UNC79: variants seen among roughly 807,000 people sequenced by gnomAD.
The protein encoded by UNC79 is unc-79 subunit of NALCN channel complex, also known as protein unc-79 homolog.
In UNC79, 37 loss-of-function variants were observed where a neutral mutation model predicts 283.1. That is an observed-to-expected ratio of 0.13 (90% CI 0.10 to 0.17). The LOEUF (loss-of-function observed/expected upper bound fraction) is 0.17. Among genes scored for constraint, UNC79 ranks in the 10% least tolerant of loss-of-function variants. The pLI, the probability that UNC79 is intolerant of heterozygous loss-of-function variation, is 1.00. For missense variants in UNC79, 2,272 were observed against 3,211.1 expected (o/e 0.71, Z 7.07); for synonymous variants, 1,107 against 1,200.2 (o/e 0.92, Z 1.61).
chr14:93,375,518 A>C (rs758036463), intron 1 of UNC79, among the ~76,000 whole-genome samples: 12 of 152,202 alleles, frequency 7.9e-5, no homozygotes, highest in Non-Finnish European at 1.5e-4. Context: ...CTGTAAAGAA[A>C]TACCTGAGAC....
chr14:93,618,274 A>G, exon 29 of UNC79: 4 of 1,614,168 alleles, frequency 2.5e-6, no homozygotes, highest in Non-Finnish European at 3.4e-6. Context: ...GCGCAGTATC[A>G]TAGCTGCAAG....
Position 93,646,715 on chromosome 14 carries a change from A to G in UNC79, c.6083+69A>G, listed in dbSNP as rs1023557804. 9 of 1,564,588 alleles carry G rather than the reference A, an allele frequency of 5.8e-6. No individual in the cohort carries two copies. In the African/African-American group the frequency reaches 1.2e-4, roughly 21 times the overall value. On this transcript the variant is annotated intron_variant, in intron 35 of 48. Coordinates refer to ENST00000555664, the Ensembl canonical transcript of UNC79. ...CTGTGCATGTTCATCCTGTTTCTAAAACACCAGTGTGGGGCTGGGTGCAGT... is the reference window on the plus strand; with the variant it reads ...CTGTGCATGTTCATCCTGTTTCTAAGACACCAGTGTGGGGCTGGGTGCAGT...
In UNC79 at chr14:93,582,604, C is replaced by T. The variant is rs189473608; in HGVS notation, c.2803+260C>T. Reference sequence around the variant, plus strand: ...ACTCATCGCCTCCCTACTTACAATGCGAGGTATTCTCTGTGGACCAAGGCT... The same window carrying T: ...ACTCATCGCCTCCCTACTTACAATGTGAGGTATTCTCTGTGGACCAAGGCT... On this transcript the variant is annotated intron_variant, in intron 20 of 48. Coordinates refer to ENST00000555664, the Ensembl canonical transcript of UNC79. Among the ~76,000 whole-genome samples the T allele has an allele frequency of 6.6e-5, 10 of 152,248 alleles. No individual in the cohort carries two copies. In the East Asian group the frequency reaches 7.7e-4, roughly 12 times the overall value.
chr14:93,363,511 C>T (rs547627319), intron 1 of UNC79, among the ~76,000 whole-genome samples: 1 of 152,192 alleles, frequency 6.6e-6, no homozygotes, highest in South Asian at 2.1e-4. Context: ...AGGTCCCAAA[C>T]ATCTTTGTTA....
chr14:93,354,087 AC>A (rs1210286381), intron 1 of UNC79, among the ~76,000 whole-genome samples: 6 of 152,202 alleles, frequency 3.9e-5, no homozygotes, highest in African/African-American at 1.2e-4. Context: ...GGGGAAAAAA[AC>A]TAAAATTTTA....
Position 93,612,779 on chromosome 14 carries a change from C to T in UNC79, c.3755-18C>T. The T allele has an allele frequency of 6.2e-7, 1 of 1,605,716 alleles. No individual in the cohort carries two copies. Among genetic ancestry groups the T allele is most frequent in the South Asian group, 1.1e-5 (1 of 90,720 alleles). The stretch of plus-strand genomic sequence containing the variant: ...TTGTGAGTGAGCCACCCACTGACAG[C>T]CTTTCTTCTACTGACAGGACAACAA... On this transcript the variant is annotated intron_variant, in intron 26 of 48. Transcript: ENST00000555664.
At position 93,370,229 on chromosome 14, in the gene UNC79, A is replaced by G. The variant is rs79779059; in HGVS notation, c.-351+36706A>G. On this transcript the variant is annotated intron_variant, in intron 1 of 49. Transcript: ENST00000256339. Reference sequence around the variant, plus strand: ...AACAGAGCAAGCATCAGAAGCAGACATGGAAGGGATGTTGCAATGATCAGA... The same window carrying G: ...AACAGAGCAAGCATCAGAAGCAGACGTGGAAGGGATGTTGCAATGATCAGA... Among the ~76,000 whole-genome samples the G allele has an allele frequency of 4.6e-5, 7 of 152,238 alleles. No individual in the cohort carries two copies. The East Asian group carries it at 1.4e-3, about 29-fold the overall frequency.
intron 1 of UNC79, among the ~76,000 whole-genome samples, chr14:93,363,547 AT>A (rs2054267566): frequency 6.6e-6 from 1 of 152,046 alleles, no homozygotes; most frequent in Non-Finnish European, 1.5e-5. Context: ...GATTTGTTTA[AT>A]CCTATCAGTG....
chr14:93,488,876 C>G (rs527840961), intron 5 of UNC79, among the ~76,000 whole-genome samples: 5 of 152,298 alleles, frequency 3.3e-5, no homozygotes, highest in South Asian at 2.1e-4. Context: ...CCCTAATGAC[C>G]TAATTACTTC....
chr14:93,582,526 G>A, intron 20 of UNC79, among the ~76,000 whole-genome samples, 182 bp downstream of exon 20: 1 of 152,140 alleles, frequency 6.6e-6, no homozygotes, highest in East Asian at 1.9e-4. Context: ...AGTTCCCATA[G>A]AACCCAGTTC....
At chr14:93,603,925 T>C (rs1050531986) in intron 26 of UNC79, among the ~76,000 whole-genome samples, 2 of 152,070 alleles carry the variant, frequency 1.3e-5, no homozygotes, top group African/African-American at 4.8e-5. Context: ...GGCTGAGAAA[T>C]TGAATTTCTG....
intron 29 of UNC79, among the ~76,000 whole-genome samples, chr14:93,619,796 C>T (rs79757843): frequency 0.016 from 2,453 of 152,190 alleles, 65 homozygotes; most frequent in African/African-American, 0.056. Flanking sequence ...GCACCTGAGC[C>T]TCATTTGTCA....
intron 1 of UNC79, among the ~76,000 whole-genome samples, chr14:93,439,374 T>C (rs1021060437): frequency 6.6e-5 from 10 of 152,122 alleles, no homozygotes; most frequent in Admixed American, 2.6e-4. Flanking sequence ...TCAATTCTTA[T>C]TTTGTTAAGT....
intron 6 of UNC79, 119 bp from the exon 7 acceptor site, chr14:93,497,038 G>A (rs955231389): frequency 3.7e-6 from 4 of 1,088,246 alleles, no homozygotes; most frequent in Non-Finnish European, 5.2e-6. Context: ...TGAGATTCCA[G>A]GGAAATTACT....
exon 37 of UNC79, chr14:93,653,995 C>T: frequency 6.2e-7 from 1 of 1,614,094 alleles, no homozygotes; most frequent in Non-Finnish European, 8.5e-7. Context: ...ATGAGCTGAG[C>T]TCCATCGCAG....
At chr14:93,666,682 T>G (rs1306340796) in intron 40 of UNC79, among the ~76,000 whole-genome samples, 4 of 152,056 alleles carry the variant, frequency 2.6e-5, no homozygotes, top group African/African-American at 9.7e-5. Flanking sequence ...TCTCTTTCAG[T>G]TATGGATAGA....
chr14:93,597,483 C>T (rs769643865), exon 24 of UNC79: 18 of 1,613,980 alleles, frequency 1.1e-5, no homozygotes, highest in African/African-American at 8.0e-5. Context: ...ATGTCAACCC[C>T]GCAGTGGCTA....
chr14:93,624,312 GA>G (rs1213009715), intron 30 of UNC79, among the ~76,000 whole-genome samples: 1 of 151,974 alleles, frequency 6.6e-6, no homozygotes, highest in Non-Finnish European at 1.5e-5. Context: ...GCCAGGCAGG[GA>G]AAAAACGGTC....
At chr14:93,580,540 C>T (rs2063734586) in intron 19 of UNC79, among the ~76,000 whole-genome samples, 164 bp downstream of exon 19, 1 of 152,162 alleles carries the variant, frequency 6.6e-6, no homozygotes, top group Non-Finnish European at 1.5e-5. Context: ...AACTCAGGCT[C>T]TTGGAAAGGG....
Sources: allele counts gnomAD v4.1 joint callset (sites outside exome capture counted in the v4.1 genomes callset), GRCh38; gene constraint gnomAD v4.1.1; transcripts MANE v1.5; gene names NCBI Gene and HGNC (gene_info 2026-07-23, HGNC 2026-07-21).